RNASEH1: variants seen among roughly 807,000 people sequenced by gnomAD.
The protein encoded by RNASEH1 is ribonuclease H1.
RNASEH1 carries 27 observed loss-of-function variants against 34.6 expected under a neutral mutation model. The observed-to-expected ratio is 0.78, with a 90% CI of 0.58 to 1.08. The LOEUF is 1.08. RNASEH1 is among the 50% of genes least tolerant of loss of function. RNASEH1 has a pLI of 0.00. For missense variants in RNASEH1, 349 were observed against 373.6 expected, an observed-to-expected ratio of 0.93 and a Z score of 0.54; for synonymous variants, 162 against 138.4, an observed-to-expected ratio of 1.17 and a Z score of -1.20.
At chr2:3,558,091 C>A in intron 1 of RNASEH1, 42 bp downstream of exon 1, 1 of 1,556,944 alleles carries the variant, frequency 6.4e-7, no homozygotes, top group Non-Finnish European at 8.7e-7. Context: ...TCCCTCGACC[C>A]CGATGCCGGC....
chr2:3,554,549 A>G (rs1347025693), intron 2 of RNASEH1, among the ~76,000 whole-genome samples: 1 of 152,268 alleles, frequency 6.6e-6, no homozygotes, highest in African/African-American at 2.4e-5. Context: ...AGACTTTTTG[A>G]TACAGATCTG....
rs1048987216 is a variant in RNASEH1 at position 3,544,839 on chromosome 2, A to C, written c.*946T>G. On this transcript the variant is annotated 3_prime_UTR_variant, in exon 8 of 8. Coordinates refer to ENST00000315212, the MANE Select transcript of RNASEH1 (RefSeq NM_002936.6). ...GCCCAGGATGGAGTGCAGTGGTGCA[A>C]TCTTGGCTCACTGCAACCTCTGCCG... 2.0e-5 allele frequency: 3 copies of C among 151,668 alleles called. No individual in the cohort carries two copies. The highest frequency in any genetic ancestry group is 4.4e-5 in the Non-Finnish European group (3 of 67,948). 9.4% of individuals were successfully genotyped at this position (151,668 alleles called of 1,614,324 possible).
intron 2 of RNASEH1, among the ~76,000 whole-genome samples, chr2:3,555,357 C>A (rs1660383505): frequency 6.6e-6 from 1 of 152,200 alleles, no homozygotes; most frequent in African/African-American, 2.4e-5. Flanking sequence ...GGCTGTCATG[C>A]AGTAAGCAGT....
chr2:3,550,094 G>A (rs1019383352), intron 4 of RNASEH1: 3 of 367,558 alleles, frequency 8.2e-6, no homozygotes, highest in Non-Finnish European at 1.5e-5. Flanking sequence ...AGTGAGCTGT[G>A]TTTGTGCCAC....
chr2:3,557,040 T>A, intron 1 of RNASEH1, 136 bp from the exon 2 acceptor site: 1 of 643,420 alleles, frequency 1.6e-6, no homozygotes, highest in South Asian at 1.9e-5. Flanking sequence ...CTCCACCCCA[T>A]CACAGATACC....
rs1244159794 is a variant in RNASEH1, at chr2:3,542,332, T to C, written c.*3453A>G. Among the ~76,000 whole-genome samples the C allele has an allele frequency of 3.3e-5, 5 of 152,164 alleles. No homozygotes were observed. In the South Asian group the frequency reaches 6.2e-4, roughly 19 times the overall value. ...CTTGACAGAAAAAGGAAAAAATCCTTTGGGCATCTAAGGAAAAACAGCATA... is the reference window on the plus strand; with the variant it reads ...CTTGACAGAAAAAGGAAAAAATCCTCTGGGCATCTAAGGAAAAACAGCATA... On this transcript the variant is annotated 3_prime_UTR_variant, in exon 8 of 8. Transcript: ENST00000315212.
At chr2:3,532,317 G>C in the RNASEH1 span, 1 of 702,186 alleles carries the variant, frequency 1.4e-6, no homozygotes, top group African/African-American at 1.7e-5. Context: ...GATGCTGTGG[G>C]AACAAGAAAT....
chr2:3,532,383 C>T, the RNASEH1 span: 15 of 701,748 alleles, frequency 2.1e-5, no homozygotes, highest in Admixed American at 1.2e-4. Context: ...CCGATCAGAA[C>T]GTTCATTATT....
At chr2:3,548,746 T>C in intron 5 of RNASEH1, 22 bp from the exon 6 acceptor site, 1 of 1,566,064 alleles carries the variant, frequency 6.4e-7, no homozygotes, top group South Asian at 1.1e-5. Context: ...AAGTCGATAG[T>C]CATGCTACAG....
intron 7 of RNASEH1, 67 bp from the exon 8 acceptor site, chr2:3,545,938 T>C (rs1668708692): frequency 8.4e-7 from 1 of 1,183,924 alleles, no homozygotes; most frequent in South Asian, 1.2e-5. Flanking sequence ...GACTATATTG[T>C]CATCATAAAA....
chr2:3,542,313 A>G lies in RNASEH1; in HGVS notation c.*3472T>C, dbSNP rs1668370852. ...ATTCGAATAAAACGGCCGACTTGAC[A>G]GAAAAAGGAAAAAATCCTTTGGGCA... On this transcript the variant is annotated 3_prime_UTR_variant, in exon 8 of 8. Coordinates refer to ENST00000315212, the MANE Select transcript of RNASEH1 (RefSeq NM_002936.6). 1.3e-5 allele frequency among the ~76,000 whole-genome samples: 2 copies of G among 152,254 alleles called. No homozygotes were observed. The highest frequency in any genetic ancestry group is 4.1e-4 in the South Asian group (2 of 4,838).
chr2:3,535,247 G>A, the RNASEH1 span, among the ~76,000 whole-genome samples: 1 of 151,792 alleles, frequency 6.6e-6, no homozygotes, highest in Non-Finnish European at 1.5e-5. Flanking sequence ...GCAAAACCCT[G>A]TCTCTACTAA....
downstream of RNASEH1, among the ~76,000 whole-genome samples, chr2:3,538,010 C>T (rs1668074869): frequency 6.7e-6 from 1 of 149,398 alleles, no homozygotes; most frequent in Admixed American, 6.7e-5. Flanking sequence ...GCACTCCAGC[C>T]TGGCCAACAA....
intron 2 of RNASEH1, among the ~76,000 whole-genome samples, chr2:3,552,770 C>A (rs1447581929): frequency 6.6e-6 from 1 of 151,882 alleles, no homozygotes. Context: ...GGCTGACATA[C>A]GAGTATCGCT....
At chr2:3,557,904 A>C in intron 1 of RNASEH1, 6 of 1,514,864 alleles carry the variant, frequency 4.0e-6, no homozygotes, top group Non-Finnish European at 5.3e-6. Context: ...CCTTTACGCG[A>C]CGTTTCTGAT....
rs1370075990 is a variant in RNASEH1 at position 3,544,192 on chromosome 2, G to A, written c.*1593C>T. Among the ~76,000 whole-genome samples the A allele has an allele frequency of 1.3e-5, 2 of 152,194 alleles. No homozygotes were observed. The highest frequency in any genetic ancestry group is 4.8e-5 in the African/African-American group (2 of 41,432). ...TAATGGATCTTGGCACTGAGCATCAGCTGCCGTCAACATGGTACTTTCCTG... is the reference window on the plus strand; with the variant it reads ...TAATGGATCTTGGCACTGAGCATCAACTGCCGTCAACATGGTACTTTCCTG... On this transcript the variant is annotated 3_prime_UTR_variant, in exon 8 of 8. Coordinates refer to ENST00000315212, the MANE Select transcript of RNASEH1 (RefSeq NM_002936.6).
intron 6 of RNASEH1, 106 bp downstream of exon 6, chr2:3,548,534 T>C (rs541063243): frequency 1.1e-4 from 80 of 696,880 alleles, no homozygotes; most frequent in Non-Finnish European, 1.6e-4. Flanking sequence ...GACAAACCAA[T>C]GTCATCCCCC....
chr2:3,545,905 T>C (rs764690670), intron 7 of RNASEH1, 34 bp from the exon 8 acceptor site: 1 of 1,470,402 alleles, frequency 6.8e-7, no homozygotes, highest in Non-Finnish European at 9.5e-7. Flanking sequence ...TTATTTTTAC[T>C]CATCTTTACA....
chr2:3,554,261 T>A (rs528334510), intron 2 of RNASEH1, among the ~76,000 whole-genome samples: 3 of 152,238 alleles, frequency 2.0e-5, no homozygotes, highest in Non-Finnish European at 4.4e-5. Context: ...TAAATGCAGA[T>A]ACTGTGGTCC....
Sources: gnomAD v4.1 joint callset for allele counts (sites outside exome capture counted in the v4.1 genomes callset) on GRCh38, gnomAD v4.1.1 for gene constraint, MANE v1.5 for transcripts, NCBI Gene and HGNC (gene_info 2026-07-23, HGNC 2026-07-21) for gene names.